Variants in DNAJC27 observed in about 807,000 individuals in gnomAD.
DNAJC27 encodes dnaJ homolog subfamily C member 27.
Under a neutral mutation model 31.4 loss-of-function variants are expected in DNAJC27, and 25 were observed. That is an observed-to-expected ratio of 0.80 (90% CI 0.58 to 1.11). The LOEUF is 1.11. Ranked by LOEUF, DNAJC27 falls within the 50% of genes most tolerant of loss-of-function variation. The pLI is 0.00. For synonymous variants in DNAJC27, 106 were observed against 112.7 expected, an observed-to-expected ratio of 0.94 and a Z score of 0.37; for missense variants, 356 against 347.3, an observed-to-expected ratio of 1.02 and a Z score of -0.20.
chr2:24,944,124 G>A lies in DNAJC27; in HGVS notation c.*3492C>T, dbSNP rs963112244. On this transcript the variant is annotated 3_prime_UTR_variant, in exon 7 of 7. Transcript: ENST00000264711. ...GGAAAGTGGTTAGCTATATTTTGCA[G>A]CTAAGTTCATTTTCAAAAGTTTTAC... 2 of 152,232 alleles carry A rather than the reference G, an allele frequency of 1.3e-5. No homozygotes were observed. The highest frequency in any genetic ancestry group is 4.8e-5 in the African/African-American group (2 of 41,456). 9.4% of individuals were successfully genotyped at this position (152,232 alleles called of 1,614,324 possible).
At position 24,963,519 on chromosome 2, in the gene DNAJC27, C is replaced by G. The variant is rs1469098394; in HGVS notation, c.171-45G>C. ...ACAATCCGAAAGAAAGTCATGGTTT[C>G]TCCATTTACCTTAATATCATTTATA... On this transcript the variant is annotated intron_variant, in intron 2 of 6. Coordinates refer to ENST00000264711, the MANE Select transcript of DNAJC27 (RefSeq NM_016544.3). 6.8e-6 allele frequency: 10 copies of G among 1,481,310 alleles called. No individual in the cohort carries two copies. The Middle Eastern group carries it at 6.9e-4, about 102-fold the overall frequency. 91.8% of individuals were successfully genotyped at this position (1,481,310 alleles called of 1,614,324 possible). A position where few individuals can be genotyped will look rare whatever the true frequency, so the allele number is the denominator to read the frequency against.
At chr2:24,962,526 G>C (rs893668646) in intron 3 of DNAJC27, among the ~76,000 whole-genome samples, 4 of 152,120 alleles carry the variant, frequency 2.6e-5, no homozygotes, top group Non-Finnish European at 5.9e-5. Context: ...AAAGTGCTGG[G>C]ATTACAGACG....
At chr2:24,964,787 C>G (rs1005543216) in intron 2 of DNAJC27, among the ~76,000 whole-genome samples, 1 of 152,084 alleles carries the variant, frequency 6.6e-6, no homozygotes, top group African/African-American at 2.4e-5. Context: ...ATTCTCACAT[C>G]TTAGATAAAT....
Position 24,943,747 on chromosome 2 carries a change from G to A in DNAJC27, c.*3869C>T, listed in dbSNP as rs1665578678. 2 of 152,624 alleles carry A rather than the reference G, an allele frequency of 1.3e-5. No homozygotes were observed. Among genetic ancestry groups the A allele is most frequent in the Admixed American group, 6.5e-5 (1 of 15,270 alleles). The allele number at this position is 152,624 out of a possible 1,614,324, so 9.5% of individuals were successfully genotyped here. Reference sequence around the variant, plus strand: ...TTTAACATTTTCAGTTATTTCAACAGAAAGAAAATATGTAAATTACCTTGT... The same window carrying A: ...TTTAACATTTTCAGTTATTTCAACAAAAAGAAAATATGTAAATTACCTTGT... On this transcript the variant is annotated 3_prime_UTR_variant, in exon 7 of 7. Transcript: ENST00000264711.
intron 5 of DNAJC27, among the ~76,000 whole-genome samples, chr2:24,955,028 A>C (rs1665872559): frequency 6.6e-6 from 1 of 152,254 alleles, no homozygotes; most frequent in South Asian, 2.1e-4. Flanking sequence ...GTGTTCAATC[A>C]AAAACCACTA....
At position 24,947,456 on chromosome 2, in the gene DNAJC27, T is replaced by C. The variant is rs1451939584; in HGVS notation, c.*160A>G. 4 of 812,454 alleles carry C rather than the reference T, an allele frequency of 4.9e-6. No individual in the cohort carries two copies. The highest frequency in any genetic ancestry group is 3.4e-5 in the African/African-American group (2 of 58,808). 50.3% of individuals were successfully genotyped at this position (812,454 alleles called of 1,614,324 possible). A position where few individuals can be genotyped will look rare whatever the true frequency, so the allele number is the denominator to read the frequency against. ...AAATGCAGGTCATTTCTCAGTAAAA[T>C]GTCTATGAAATGGGTACCTGAATTA... On this transcript the variant is annotated 3_prime_UTR_variant, in exon 7 of 7. Coordinates refer to ENST00000264711, the MANE Select transcript of DNAJC27 (RefSeq NM_016544.3).
At chr2:24,949,455 G>T (rs1282575540) in intron 6 of DNAJC27, among the ~76,000 whole-genome samples, 1 of 152,168 alleles carries the variant, frequency 6.6e-6, no homozygotes, top group African/African-American at 2.4e-5. Context: ...AAACTCTCAA[G>T]ATGTAACAAA....
intron 3 of DNAJC27, among the ~76,000 whole-genome samples, chr2:24,959,357 A>G (rs1309859373): frequency 6.6e-6 from 1 of 152,086 alleles, no homozygotes; most frequent in Non-Finnish European, 1.5e-5. Context: ...CAGCAACATC[A>G]ACCACTTGTA....
chr2:24,950,193 G>C (rs1056751633), intron 6 of DNAJC27, among the ~76,000 whole-genome samples: 1 of 152,018 alleles, frequency 6.6e-6, no homozygotes, highest in African/African-American at 2.4e-5. Context: ...CCTGGTGAAT[G>C]AGTGTGCCCA....
chr2:24,951,881 G>A (rs1665783384), intron 5 of DNAJC27, among the ~76,000 whole-genome samples: 1 of 152,180 alleles, frequency 6.6e-6, no homozygotes, highest in Non-Finnish European at 1.5e-5. Context: ...GGCCGAGGCA[G>A]GCGGATTGCT....
intron 5 of DNAJC27, among the ~76,000 whole-genome samples, chr2:24,952,511 A>G (rs2149122260): frequency 6.6e-6 from 1 of 152,294 alleles, no homozygotes; most frequent in Middle Eastern, 3.4e-3. Flanking sequence ...TGGACAAGTC[A>G]GTTGTTTCTA....
At chr2:24,950,237 T>A (rs765531544) in intron 6 of DNAJC27, among the ~76,000 whole-genome samples, 6 of 152,158 alleles carry the variant, frequency 3.9e-5, no homozygotes, top group Non-Finnish European at 7.3e-5. Context: ...CCCGCTTTCC[T>A]TCTGGACTTG....
At chr2:24,958,653 A>C in intron 3 of DNAJC27, 1 of 267,874 alleles carries the variant, frequency 3.7e-6, no homozygotes, top group South Asian at 3.5e-5. Context: ...ATGATGGTTA[A>C]ATGAGATAAT....
At chr2:24,959,630 G>A (rs1323133850) in intron 3 of DNAJC27, among the ~76,000 whole-genome samples, 1 of 152,146 alleles carries the variant, frequency 6.6e-6, no homozygotes, top group Non-Finnish European at 1.5e-5. Context: ...CTTCAAACTG[G>A]GGAATCTCTC....
chr2:24,966,184 C>T (rs745359065), intron 2 of DNAJC27, among the ~76,000 whole-genome samples: 6 of 152,072 alleles, frequency 3.9e-5, no homozygotes, highest in Admixed American at 1.3e-4. Flanking sequence ...TCCAAGTGGA[C>T]AGGCTGGATA....
At chr2:24,950,877 A>G (rs1665758472) in intron 6 of DNAJC27, among the ~76,000 whole-genome samples, 1 of 151,824 alleles carries the variant, frequency 6.6e-6, no homozygotes, top group Non-Finnish European at 1.5e-5. Context: ...AAAAATAAAC[A>G]AATACACACA....
rs1573108207 is a variant in DNAJC27, at chr2:24,951,493, C to T, written c.590G>A (p.Ser197Asn). Residue 197 changes from serine (S) to asparagine (N), a missense_variant, in exon 6 of 7, where the codon AGC becomes AAC. Coordinates refer to ENST00000264711, the MANE Select transcript of DNAJC27 (RefSeq NM_016544.3). ...TTGTTCTTTGGTGAAACTAGCACTG[C>T]TATTGGTGGTAGGGCGTTTCCCGCC... ...ENGGKRPTTN[S>N]SASFTKEQAD... The T allele has an allele frequency of 2.5e-6, 4 of 1,613,620 alleles. No homozygotes were observed. The highest frequency in any genetic ancestry group is 3.4e-6 in the Non-Finnish European group (4 of 1,179,734).
At chr2:24,967,104 C>T (rs1343362523) in intron 2 of DNAJC27, 107 bp downstream of exon 2, 3 of 792,012 alleles carry the variant, frequency 3.8e-6, no homozygotes, top group Non-Finnish European at 6.3e-6. Context: ...TCTTCAAAGT[C>T]TCCATTTCAA....
intron 6 of DNAJC27, among the ~76,000 whole-genome samples, chr2:24,948,164 G>A (rs1386440023): frequency 6.6e-6 from 1 of 152,064 alleles, no homozygotes; most frequent in Non-Finnish European, 1.5e-5. Flanking sequence ...AATGGAGCCC[G>A]AACACAGCAC....
Sources: allele counts gnomAD v4.1 joint callset (sites outside exome capture counted in the v4.1 genomes callset), GRCh38; gene constraint gnomAD v4.1.1; transcripts MANE v1.5; gene names NCBI Gene and HGNC (gene_info 2026-07-23, HGNC 2026-07-21).